Variants in L3MBTL4 observed in about 807,000 individuals in gnomAD.
L3MBTL4 encodes lethal(3)malignant brain tumor-like protein 4.
Under a neutral mutation model 84.5 loss-of-function variants are expected in L3MBTL4, and 70 were observed. That is an observed-to-expected ratio of 0.83 (90% CI 0.68 to 1.01). The LOEUF (loss-of-function observed/expected upper bound fraction) is 1.01, where lower values mean the gene tolerates loss of function less well. L3MBTL4 is among the 50% of genes least tolerant of loss of function. L3MBTL4 has a pLI of 0.00. For synonymous variants in L3MBTL4, 274 were observed against 259.8 expected (o/e 1.05, Z -0.52); for missense variants, 715 against 754.8 (o/e 0.95, Z 0.62).
At chr18:6,317,156 C>T (rs2051148635) in intron 1 of L3MBTL4, among the ~76,000 whole-genome samples, 1 of 152,050 alleles carries the variant, frequency 6.6e-6, no homozygotes, top group South Asian at 2.1e-4. Context: ...AGCCACAATA[C>T]AAAGATTCAC....
rs1341082779 is a variant in L3MBTL4, at chr18:6,175,486, A to C, written c.982-3544T>G. ...ATGCCAGATGAAAACTACGATCTAC[A>C]TGAAGAGTACTAGCAACAGCAAATA... is the stretch of plus-strand genomic sequence containing the variant. On this transcript the variant is annotated intron_variant, in intron 12 of 18. Coordinates refer to ENST00000317931, the MANE Select transcript of L3MBTL4 (RefSeq NM_001330559.2). Among the ~76,000 whole-genome samples, 4 of 152,224 alleles carry C rather than the reference A, an allele frequency of 2.6e-5. No individual in the cohort carries two copies. In the South Asian group the frequency reaches 8.3e-4, roughly 31 times the overall value.
In L3MBTL4 at chr18:6,291,106, C is replaced by T. The variant is rs72863108; in HGVS notation, c.127+10797G>A. Among the ~76,000 whole-genome samples, 1,273 of 152,286 alleles carry T rather than the reference C, an allele frequency of 8.4e-3. 16 individuals carry two copies. The highest frequency in any genetic ancestry group is 0.025 in the South Asian group (121 of 4,822). On this transcript the variant is annotated intron_variant, in intron 4 of 18. Transcript: ENST00000317931. ...TTTTCACGTTGTAGACAGCTTTTCTCAAGATACGGGAACAAGGCTCCCTAC... is the reference window on the plus strand; with the variant it reads ...TTTTCACGTTGTAGACAGCTTTTCTTAAGATACGGGAACAAGGCTCCCTAC...
rs921259130 is a variant in L3MBTL4, at chr18:6,042,394, G to A, written c.1444+38487C>T. On this transcript the variant is annotated intron_variant, in intron 16 of 18. Transcript: ENST00000317931. ...ACACAGACACATACACACACACCAA[G>A]CACGTAAATCCACACCTGCCTCCAG... 7.3e-5 allele frequency among the ~76,000 whole-genome samples: 11 copies of A among 151,506 alleles called. No homozygotes were observed. In the South Asian group the frequency reaches 1.9e-3, roughly 26 times the overall value.
chr18:6,041,482 T>G (rs897704784), intron 16 of L3MBTL4, among the ~76,000 whole-genome samples: 2 of 119,560 alleles, frequency 1.7e-5, no homozygotes, highest in African/African-American at 6.0e-5. Flanking sequence ...TTTTTTTTTG[T>G]CTTGCAAATG....
At chr18:6,200,782 T>C (rs1291351490) in intron 12 of L3MBTL4, among the ~76,000 whole-genome samples, 3 of 152,258 alleles carry the variant, frequency 2.0e-5, no homozygotes, top group African/African-American at 4.8e-5. Flanking sequence ...TAAAGGTATA[T>C]TCATAATAGA....
chr18:6,371,909 C>G (rs1283747908), intron 1 of L3MBTL4, among the ~76,000 whole-genome samples: 1 of 152,202 alleles, frequency 6.6e-6, no homozygotes, highest in Non-Finnish European at 1.5e-5. Context: ...AATAGCCTCT[C>G]TTCAATGTCT....
At chr18:6,414,936 G>C (rs888654185), upstream of L3MBTL4, 3 of 149,638 alleles carry the variant, frequency 2.0e-5, no homozygotes, top group Admixed American at 2.0e-4. This position sits in a 1 kb window ranked among gnomAD's most constrained non-coding sequence, Gnocchi z 5.4. Context: ...GAGGGTGCAC[G>C]CGCGGGGTGG....
At chr18:6,276,077 T>C (rs1464734904) in intron 4 of L3MBTL4, among the ~76,000 whole-genome samples, 3 of 152,252 alleles carry the variant, frequency 2.0e-5, no homozygotes, top group African/African-American at 7.2e-5. Flanking sequence ...GATTGCTTCC[T>C]TTGGAAAGGC....
intron 4 of L3MBTL4, among the ~76,000 whole-genome samples, chr18:6,266,483 G>A (rs2048638410): frequency 1.3e-5 from 2 of 152,184 alleles, no homozygotes; most frequent in African/African-American, 2.4e-5. Flanking sequence ...AAAGGTCAGT[G>A]CTGCATCAGC....
chr18:6,085,396 T>TTA (rs1184714925), intron 15 of L3MBTL4, among the ~76,000 whole-genome samples: 1 of 152,234 alleles, frequency 6.6e-6, no homozygotes, highest in Non-Finnish European at 1.5e-5. Context: ...TAACAAAATG[T>TTA]TAATATAAAT....
At chr18:6,392,407 G>C (rs1473058866) in intron 1 of L3MBTL4, among the ~76,000 whole-genome samples, 1 of 152,142 alleles carries the variant, frequency 6.6e-6, no homozygotes, top group Non-Finnish European at 1.5e-5. Flanking sequence ...AAATTAGCTG[G>C]GCATGGTGGC....
At chr18:6,091,391 T>TGGTC (rs2058452892) in intron 15 of L3MBTL4, among the ~76,000 whole-genome samples, 1 of 152,198 alleles carries the variant, frequency 6.6e-6, no homozygotes, top group Admixed American at 6.5e-5. Context: ...AGGATGGCTT[T>TGGTC]GGTCTTGAGA....
Position 6,088,829 on chromosome 18 carries a change from C to A in L3MBTL4, c.1373+4526G>T, listed in dbSNP as rs545375147. On this transcript the variant is annotated intron_variant, in intron 15 of 18. Transcript: ENST00000317931. The stretch of plus-strand genomic sequence containing the variant: ...GTTTATCACCAAGATCATTAAGGAA[C>A]TATTCCACTACATGCCATCCTTTCT... Among the ~76,000 whole-genome samples, 15 of 152,280 alleles carry A rather than the reference C, an allele frequency of 9.9e-5. No homozygotes were observed. The East Asian group carries it at 2.7e-3, about 27-fold the overall frequency.
intron 16 of L3MBTL4, among the ~76,000 whole-genome samples, chr18:5,980,568 A>T (rs949807680): frequency 1.3e-5 from 2 of 151,210 alleles, no homozygotes; most frequent in Non-Finnish European, 2.9e-5. Flanking sequence ...AGTAGCTGGG[A>T]TTACAGGCTT....
At chr18:6,372,519 T>C (rs1448271426) in intron 1 of L3MBTL4, among the ~76,000 whole-genome samples, 1 of 152,168 alleles carries the variant, frequency 6.6e-6, no homozygotes, top group Non-Finnish European at 1.5e-5. Context: ...AAATAGAAAT[T>C]TGCAACTCTT....
intron 14 of L3MBTL4, among the ~76,000 whole-genome samples, chr18:6,112,435 G>T (rs11872149): frequency 0.012 from 1,825 of 152,238 alleles, 39 homozygotes; most frequent in African/African-American, 0.042. Flanking sequence ...TATTAAAATT[G>T]AGTGCATCAC....
chr18:6,074,098 A>C (rs1279653879), intron 16 of L3MBTL4, among the ~76,000 whole-genome samples: 1 of 152,022 alleles, frequency 6.6e-6, no homozygotes, highest in Non-Finnish European at 1.5e-5. Flanking sequence ...GTTTTTTGCC[A>C]GCATCACTTT....
At chr18:6,070,484 G>C (rs752930380) in intron 16 of L3MBTL4, among the ~76,000 whole-genome samples, 2 of 149,332 alleles carry the variant, frequency 1.3e-5, no homozygotes, top group Non-Finnish European at 3.0e-5. Context: ...GTGAAAAAAG[G>C]ATATTTCTGG....
intron 14 of L3MBTL4, among the ~76,000 whole-genome samples, chr18:6,097,989 C>A (rs1369830027): frequency 6.6e-6 from 1 of 152,170 alleles, no homozygotes; most frequent in Admixed American, 6.5e-5. Flanking sequence ...CAATTGGGAT[C>A]CCTCCCTTCC....
Sources: allele counts gnomAD v4.1 joint callset (sites outside exome capture counted in the v4.1 genomes callset), GRCh38; gene constraint gnomAD v4.1.1; non-coding constraint Gnocchi (gnomAD v3.1); transcripts MANE v1.5; gene names NCBI Gene and HGNC (gene_info 2026-07-23, HGNC 2026-07-21).